The following PCDHGA6 variants were observed in gnomAD, a reference collection of about 807,000 sequenced individuals.
PCDHGA6 encodes the protein protocadherin gamma subfamily A, 6, also known as protocadherin gamma-A6.
PCDHGA6 carries 41 observed loss-of-function variants against 60.6 expected under a neutral mutation model. The observed-to-expected ratio is 0.68, with a 90% confidence interval of 0.53 to 0.88. The LOEUF is 0.88. Among genes scored for constraint, PCDHGA6 ranks in the 40% least tolerant of loss-of-function variants. The pLI is 0.00. For synonymous variants in PCDHGA6, 594 were observed against 524.4 expected (o/e 1.13, Z -1.81); for missense variants, 1,312 against 1,203.0 (o/e 1.09, Z -1.34).
intron 1 of PCDHGA6, chr5:141,408,084 G>A (rs564149257): frequency 7.5e-5 from 106 of 1,418,874 alleles, no homozygotes; most frequent in Middle Eastern, 2.5e-4. Context: ...CCAGCACAGC[G>A]GATTGCCAGC....
intron 1 of PCDHGA6, among the ~76,000 whole-genome samples, chr5:141,480,720 G>C (rs2099524423): frequency 6.6e-6 from 1 of 152,146 alleles, no homozygotes; most frequent in Non-Finnish European, 1.5e-5. Context: ...TGAAAGCACA[G>C]TCTCTGGGGG....
At chr5:141,388,290 A>T (rs1299323228) in intron 1 of PCDHGA6, 1 of 1,613,388 alleles carries the variant, frequency 6.2e-7, no homozygotes, top group Non-Finnish European at 8.5e-7. Flanking sequence ...ATTCACGCAA[A>T]ATTCCTTTGA....
At chr5:141,389,866 T>G (rs1332106674) in intron 1 of PCDHGA6, 1 of 1,614,082 alleles carries the variant, frequency 6.2e-7, no homozygotes, top group African/African-American at 1.3e-5. Context: ...TTGCACCTGG[T>G]CTTCGCCGAC....
chr5:141,415,269 G>T, intron 1 of PCDHGA6: 1 of 1,614,228 alleles, frequency 6.2e-7, no homozygotes, highest in African/African-American at 1.3e-5. Flanking sequence ...TGTACCTGGT[G>T]GTAGCGGTGG....
chr5:141,399,755 G>A (rs1420211451), intron 1 of PCDHGA6: 1 of 1,613,232 alleles, frequency 6.2e-7, no homozygotes, highest in African/African-American at 1.3e-5. Context: ...GCAAACGTGA[G>A]CCTGCGCGTG....
intron 1 of PCDHGA6, chr5:141,415,232 C>G (rs1329834276): frequency 3.1e-6 from 5 of 1,614,076 alleles, no homozygotes; most frequent in Non-Finnish European, 4.2e-6. Flanking sequence ...GAGTCTCCAG[C>G]TAACTCTGAA....
intron 1 of PCDHGA6, among the ~76,000 whole-genome samples, chr5:141,456,955 T>A (rs1352654794): frequency 2.6e-5 from 4 of 151,974 alleles, no homozygotes; most frequent in African/African-American, 7.3e-5. Flanking sequence ...AGAGCAAAAC[T>A]CCATCTCAAA....
chr5:141,511,031 A>G lies in PCDHGA6; in HGVS notation c.2657A>G (p.Gln886Arg). 6.2e-7 allele frequency: 1 copy of G among 1,614,244 alleles called. No individual in the cohort carries two copies. The highest frequency in any genetic ancestry group is 8.5e-7 in the Non-Finnish European group (1 of 1,180,034). ...SARYGPQFTL[Q>R]HVPDYRQNVY... Reference sequence around the variant, plus strand: ...CGCTACGGACCCCAGTTCACCCTGCAGCACGTGCCCGACTACCGCCAGAAT... The same window carrying G: ...CGCTACGGACCCCAGTTCACCCTGCGGCACGTGCCCGACTACCGCCAGAAT... The change falls in exon 4 of 4, where the codon CAG (glutamine) becomes CGG (arginine). Residue 886 changes from glutamine to arginine, a missense_variant. Gln to Arg is a conservative substitution (Grantham distance 43). Coordinates refer to ENST00000517434, the MANE Select transcript of PCDHGA6 (RefSeq NM_018919.3).
rs1329435709 is a variant in PCDHGA6 at position 141,485,726 on chromosome 5, C to T, written c.2425-9081C>T. ...ACACTTTGCACTGGATGTGAAGAAGCGCAGCGACGGCAGCCTGGTCCCAGA... is the reference window on the plus strand; with the variant it reads ...ACACTTTGCACTGGATGTGAAGAAGTGCAGCGACGGCAGCCTGGTCCCAGA... On this transcript the variant is annotated intron_variant, in intron 1 of 3. Coordinates refer to ENST00000517434, the MANE Select transcript of PCDHGA6 (RefSeq NM_018919.3). This position sits in a 1 kb window ranked among gnomAD's most constrained non-coding sequence, Gnocchi z 5.7. 2 of 1,614,138 alleles carry T rather than the reference C, an allele frequency of 1.2e-6. No homozygotes were observed. The highest frequency in any genetic ancestry group is 8.5e-7 in the Non-Finnish European group (1 of 1,180,024).
At chr5:141,468,024 T>C (rs1386255481) in intron 1 of PCDHGA6, among the ~76,000 whole-genome samples, 1 of 152,046 alleles carries the variant, frequency 6.6e-6, no homozygotes, top group African/African-American at 2.4e-5. Flanking sequence ...TGAAGTAAAA[T>C]ACTTCATTTA....
At chr5:141,381,561 A>G (rs1251342749) in intron 1 of PCDHGA6, among the ~76,000 whole-genome samples, 3 of 152,196 alleles carry the variant, frequency 2.0e-5, no homozygotes, top group Non-Finnish European at 4.4e-5. Flanking sequence ...TGAATTGCAT[A>G]ATGAAAAGAA....
At chr5:141,494,729 C>A in intron 1 of PCDHGA6, 78 bp from the exon 2 acceptor site, 1 of 1,610,166 alleles carries the variant, frequency 6.2e-7, no homozygotes. Context: ...CCTTCTCTCC[C>A]GGCCCATCCC....
intron 1 of PCDHGA6, among the ~76,000 whole-genome samples, chr5:141,471,706 A>G (rs2099262749): frequency 6.6e-6 from 1 of 152,212 alleles, no homozygotes; most frequent in African/African-American, 2.4e-5. Context: ...CTGGAATAGA[A>G]GTGCCACTTA....
At chr5:141,382,914 G>A in intron 1 of PCDHGA6, 1 of 1,552,980 alleles carries the variant, frequency 6.4e-7, no homozygotes, top group Non-Finnish European at 8.7e-7. Flanking sequence ...CGGCTCAGCC[G>A]AGGGGCGGGG....
chr5:141,459,076 C>T (rs1474375780), intron 1 of PCDHGA6, among the ~76,000 whole-genome samples: 1 of 152,144 alleles, frequency 6.6e-6, no homozygotes, highest in Non-Finnish European at 1.5e-5. Context: ...ATAAAATTTG[C>T]CTTTTAAAAT....
At chr5:141,466,034 A>T (rs189202430) in intron 1 of PCDHGA6, among the ~76,000 whole-genome samples, 1,557 of 152,178 alleles carry the variant, frequency 0.01, 35 homozygotes, top group African/African-American at 0.035. Flanking sequence ...AGGCAGGAGA[A>T]CGGCATGAAC....
rs956263164 is a variant in PCDHGA6 at position 141,511,304 on chromosome 5, C to G, written c.*131C>G. The G allele has an allele frequency of 3.3e-5, 49 of 1,490,320 alleles. No homozygotes were observed. The highest frequency in any genetic ancestry group is 4.2e-5 in the African/African-American group (3 of 71,286). The allele number at this position is 1,490,320 out of a possible 1,614,324, so 92.3% of individuals were successfully genotyped here. ...TGGTAGGGGCCAAGGCCATGCTCCC[C>G]TTGGGAAACAGAAACAAGTGCCCAG... On this transcript the variant is annotated 3_prime_UTR_variant, in exon 4 of 4. Coordinates refer to ENST00000517434, the MANE Select transcript of PCDHGA6 (RefSeq NM_018919.3).
chr5:141,394,489 C>T (rs989814835), intron 1 of PCDHGA6: 5 of 1,614,122 alleles, frequency 3.1e-6, no homozygotes, highest in Non-Finnish European at 4.2e-6. Context: ...AATGACAACG[C>T]GCCCGAGATC....
intron 1 of PCDHGA6, among the ~76,000 whole-genome samples, chr5:141,464,747 G>A (rs969116049): frequency 2.0e-5 from 3 of 151,812 alleles, no homozygotes; most frequent in Admixed American, 2.0e-4. Context: ...ATATCTTTTT[G>A]TTTTTTTAGA....
Sources: allele counts gnomAD v4.1 joint callset (sites outside exome capture counted in the v4.1 genomes callset), GRCh38; gene constraint gnomAD v4.1.1; non-coding constraint Gnocchi (gnomAD v3.1); transcripts MANE v1.5; gene names NCBI Gene and HGNC (gene_info 2026-07-23, HGNC 2026-07-21).